MFHAS1: variants seen among roughly 807,000 people sequenced by gnomAD.
MFHAS1 encodes the protein multifunctional ROCO family signaling regulator 1.
A neutral mutation model predicts 70.4 loss-of-function variants in MFHAS1; 50 were observed. The observed-to-expected ratio is 0.71, with a 90% CI of 0.57 to 0.90. MFHAS1 has a LOEUF of 0.90. MFHAS1 is among the 40% of genes least tolerant of loss of function. MFHAS1 has a pLI of 0.00. For synonymous variants in MFHAS1, 952 were observed against 620.0 expected, an observed-to-expected ratio of 1.54 and a Z score of -7.96; for missense variants, 1,795 against 1,347.6, an observed-to-expected ratio of 1.33 and a Z score of -5.20.
chr8:8,845,045 T>C (rs1475014463), intron 1 of MFHAS1, among the ~76,000 whole-genome samples: 1 of 152,222 alleles, frequency 6.6e-6, no homozygotes. Flanking sequence ...ATAAAATGGA[T>C]TAAGATACAA....
rs763133278 is a variant in MFHAS1, at chr8:8,890,347, G to C, written c.2712C>G (p.Ser904Arg). Reference protein sequence around the residue: ...LFARYSVQINSHVVHRSDGKF... With the variant: ...LFARYSVQINRHVVHRSDGKF... ...TACCATCCGACCTGTGCACCACATGGCTGTTGATCTGGACACTGTAGCGTG... is the reference window on the plus strand; with the variant it reads ...TACCATCCGACCTGTGCACCACATGCCTGTTGATCTGGACACTGTAGCGTG... Residue 904 changes from serine (S) to arginine (R), a missense_variant, in exon 1 of 3, where the codon AGC becomes AGG. Transcript: ENST00000276282. 3 of 1,614,194 alleles carry C rather than the reference G, an allele frequency of 1.9e-6. No individual in the cohort carries two copies. The Admixed American group carries it at 5.0e-5, about 27-fold the overall frequency.
At chr8:8,881,408 T>C (rs1170160029) in intron 1 of MFHAS1, among the ~76,000 whole-genome samples, 1 of 152,204 alleles carries the variant, frequency 6.6e-6, no homozygotes, top group Non-Finnish European at 1.5e-5. Flanking sequence ...CACCCTTCCA[T>C]GACCTTCCAG....
chr8:8,843,389 G>C (rs1265110629), intron 1 of MFHAS1, among the ~76,000 whole-genome samples: 1 of 152,036 alleles, frequency 6.6e-6, no homozygotes, highest in Non-Finnish European at 1.5e-5. Flanking sequence ...TTCGAGACCA[G>C]CCTAGGCAAC....
At chr8:8,815,621 T>G (rs1263506795) in intron 1 of MFHAS1, among the ~76,000 whole-genome samples, 1 of 152,230 alleles carries the variant, frequency 6.6e-6, no homozygotes, top group Non-Finnish European at 1.5e-5. Flanking sequence ...TGACCAGTGA[T>G]GTTGAGCTTT....
intron 1 of MFHAS1, among the ~76,000 whole-genome samples, chr8:8,886,398 A>T (rs1809754245): frequency 6.6e-6 from 1 of 151,888 alleles, no homozygotes; most frequent in Non-Finnish European, 1.5e-5. Context: ...GAACTCCTTG[A>T]CCCAAGTGAT....
chr8:8,784,499 A>T lies in MFHAS1; in HGVS notation c.*1523T>A, dbSNP rs1193604570. On this transcript the variant is annotated 3_prime_UTR_variant, in exon 3 of 3. Transcript: ENST00000276282. ...TGAACTGCAGGTTCTGGAGTCAGTG[A>T]AATTAATGCCTGGGGCACAAAATAT... is the stretch of plus-strand genomic sequence containing the variant. 1 of 152,262 alleles carries T rather than the reference A, an allele frequency of 6.6e-6. No homozygotes were observed. Among genetic ancestry groups the T allele is most frequent in the Non-Finnish European group, 1.5e-5 (1 of 68,048 alleles). 9.4% of individuals were successfully genotyped at this position (152,262 alleles called of 1,614,324 possible). A position where few individuals can be genotyped will look rare whatever the true frequency, so the allele number is the denominator to read the frequency against.
At chr8:8,850,051 T>C (rs1033540017) in intron 1 of MFHAS1, among the ~76,000 whole-genome samples, 1 of 152,252 alleles carries the variant, frequency 6.6e-6, no homozygotes, top group East Asian at 1.9e-4. Flanking sequence ...GCTAATACTA[T>C]GCTTGTTCTA....
chr8:8,846,250 C>T (rs1239403889), intron 1 of MFHAS1, among the ~76,000 whole-genome samples: 2 of 74,972 alleles, frequency 2.7e-5, no homozygotes, highest in Non-Finnish European at 4.7e-5. Context: ...GAGACTCTGT[C>T]TCCAAAAAAA....
intron 1 of MFHAS1, among the ~76,000 whole-genome samples, chr8:8,879,030 G>A (rs575364101): frequency 6.6e-6 from 1 of 152,190 alleles, no homozygotes; most frequent in East Asian, 1.9e-4. Flanking sequence ...CCCCAGATGG[G>A]AGCAAGTCTA....
chr8:8,859,639 A>C (rs1226039520), intron 1 of MFHAS1, among the ~76,000 whole-genome samples: 1 of 152,212 alleles, frequency 6.6e-6, no homozygotes, highest in Non-Finnish European at 1.5e-5. Flanking sequence ...TTTAAGGAAC[A>C]GTAAATATAT....
intron 1 of MFHAS1, among the ~76,000 whole-genome samples, chr8:8,885,913 G>C (rs534108797): frequency 2.6e-5 from 4 of 152,102 alleles, no homozygotes; most frequent in Non-Finnish European, 5.9e-5. Context: ...GGTTTCACCA[G>C]GTTGACCAGG....
At position 8,843,218 on chromosome 8, in the gene MFHAS1, G is replaced by A. The variant is rs896115883; in HGVS notation, c.2999-45727C>T. ...CCGGAAGCGGAGCTTGCAGTGAGCC[G>A]AGATTGCGCCACTGCAGTCCGCAGT... On this transcript the variant is annotated intron_variant, in intron 1 of 2. Coordinates refer to ENST00000276282, the MANE Select transcript of MFHAS1 (RefSeq NM_004225.3). Among the ~76,000 whole-genome samples, 12 of 149,128 alleles carry A rather than the reference G, an allele frequency of 8.0e-5. No homozygotes were observed. In the East Asian group the frequency reaches 1.8e-3, roughly 22 times the overall value.
intron 1 of MFHAS1, among the ~76,000 whole-genome samples, chr8:8,871,123 G>A (rs1225314158): frequency 6.6e-6 from 1 of 152,154 alleles, no homozygotes; most frequent in Non-Finnish European, 1.5e-5. Flanking sequence ...GGTTCCTGAG[G>A]ACAACCTGGG....
intron 1 of MFHAS1, among the ~76,000 whole-genome samples, chr8:8,816,229 C>T (rs1052260807): frequency 7.9e-5 from 12 of 152,126 alleles, no homozygotes; most frequent in Admixed American, 7.2e-4. Flanking sequence ...TCTGGGGTGA[C>T]GATTTTATGG....
chr8:8,874,787 G>A (rs1208512338), intron 1 of MFHAS1, among the ~76,000 whole-genome samples: 3 of 151,434 alleles, frequency 2.0e-5, no homozygotes, highest in Admixed American at 2.0e-4. Context: ...ACTTCAAAAC[G>A]TTAAAGGTTT....
intron 1 of MFHAS1, among the ~76,000 whole-genome samples, chr8:8,817,908 C>G (rs1245323114): frequency 2.0e-5 from 3 of 152,166 alleles, no homozygotes; most frequent in African/African-American, 7.2e-5. Context: ...GCTATAAACA[C>G]AGATGAAACT....
intron 2 of MFHAS1, among the ~76,000 whole-genome samples, chr8:8,795,223 G>C (rs1201217325): frequency 6.6e-6 from 1 of 152,014 alleles, no homozygotes; most frequent in Non-Finnish European, 1.5e-5. Flanking sequence ...AGAGACAGAA[G>C]AAAAAGAAAA....
chr8:8,853,059 C>G (rs1235040072), intron 1 of MFHAS1, among the ~76,000 whole-genome samples: 2 of 152,166 alleles, frequency 1.3e-5, no homozygotes, highest in Non-Finnish European at 2.9e-5. Context: ...CAGCAACTGC[C>G]TGGCTCAGTC....
chr8:8,824,357 C>T (rs1475732836), intron 1 of MFHAS1, among the ~76,000 whole-genome samples: 1 of 152,062 alleles, frequency 6.6e-6, no homozygotes, highest in African/African-American at 2.4e-5. Flanking sequence ...GGAGTCCTTA[C>T]CCACTCCAGC....
Sources: gnomAD v4.1 joint callset for allele counts (sites outside exome capture counted in the v4.1 genomes callset) on GRCh38, gnomAD v4.1.1 for gene constraint, MANE v1.5 for transcripts, NCBI Gene and HGNC (gene_info 2026-07-23, HGNC 2026-07-21) for gene names.